PARVA: variants seen among roughly 807,000 people sequenced by gnomAD.
The protein encoded by PARVA is alpha-parvin.
Under a neutral mutation model 52.6 loss-of-function variants are expected in PARVA, and 25 were observed. That is an observed-to-expected ratio of 0.48 (90% confidence interval 0.35 to 0.66). PARVA has a LOEUF of 0.66. Among genes scored for constraint, PARVA ranks in the 30% least tolerant of loss-of-function variants. The probability of loss-of-function intolerance (pLI) is 0.01; values close to 1 mark genes in which losing one functional copy is unlikely to be tolerated. For missense variants in PARVA, 373 were observed against 450.9 expected (o/e 0.83, Z 1.56); for synonymous variants, 185 against 179.1 (o/e 1.03, Z -0.26).
intron 12 of PARVA, among the ~76,000 whole-genome samples, chr11:12,526,234 T>C (rs1007462029): frequency 2.6e-5 from 2 of 75,738 alleles, no homozygotes; most frequent in Non-Finnish European, 6.8e-5. Flanking sequence ...AATAAAATCT[T>C]TTTTTTTAAA....
intron 4 of PARVA, among the ~76,000 whole-genome samples, chr11:12,490,135 G>A (rs1324128165): frequency 6.7e-6 from 1 of 150,094 alleles, no homozygotes; most frequent in Non-Finnish European, 1.5e-5. Context: ...AGAATGGCGT[G>A]AACCAGGGAA....
intron 1 of PARVA, among the ~76,000 whole-genome samples, chr11:12,441,816 C>G (rs1940470529): frequency 6.6e-6 from 1 of 152,142 alleles, no homozygotes; most frequent in African/African-American, 2.4e-5. Flanking sequence ...CTTTCATTTG[C>G]CCAATGTAAC....
intron 12 of PARVA, among the ~76,000 whole-genome samples, chr11:12,519,312 C>G (rs977199354): frequency 6.6e-6 from 1 of 152,210 alleles, no homozygotes; most frequent in Non-Finnish European, 1.5e-5. Context: ...CCCTTCCTGC[C>G]TCTGCTCTGA....
At chr11:12,517,784 G>A in intron 11 of PARVA, 73 bp downstream of exon 11, 1 of 1,060,136 alleles carries the variant, frequency 9.4e-7, no homozygotes, top group South Asian at 1.4e-5. Flanking sequence ...CCCATGCTGG[G>A]GCTATCCAGA....
At chr11:12,377,921 G>A (rs939656324) in intron 1 of PARVA, 138 bp downstream of exon 1, 74 of 315,180 alleles carry the variant, frequency 2.3e-4, no homozygotes, top group Non-Finnish European at 3.4e-4. Context: ...GCGTGCGCGC[G>A]CTTCCCGGGT....
At chr11:12,487,446 C>T (rs1404065103) in intron 4 of PARVA, among the ~76,000 whole-genome samples, 1 of 152,126 alleles carries the variant, frequency 6.6e-6, no homozygotes, top group East Asian at 1.9e-4. Context: ...ATTCAGCAAC[C>T]AATAGCCATA....
intron 8 of PARVA, among the ~76,000 whole-genome samples, chr11:12,512,333 C>T (rs146951001): frequency 1.4e-4 from 22 of 152,326 alleles, no homozygotes; most frequent in South Asian, 4.1e-4. Context: ...CCATTTATCA[C>T]GACTGGGTTT....
At chr11:12,517,559 G>T in intron 10 of PARVA, 51 bp from the exon 11 acceptor site, 1 of 1,342,550 alleles carries the variant, frequency 7.4e-7, no homozygotes. Context: ...CCTGGATGGG[G>T]ATTGGCTGGG....
intron 1 of PARVA, among the ~76,000 whole-genome samples, chr11:12,443,344 T>C (rs993705912): frequency 6.7e-6 from 1 of 150,108 alleles, no homozygotes; most frequent in African/African-American, 2.5e-5. Context: ...GCTAATTTTT[T>C]GTATTTCAGT....
intron 4 of PARVA, among the ~76,000 whole-genome samples, chr11:12,484,233 C>T (rs966466451): frequency 2.6e-5 from 4 of 152,166 alleles, no homozygotes; most frequent in African/African-American, 9.7e-5. Context: ...GAACATGGCC[C>T]ACTGCCTGCT....
intron 9 of PARVA, 55 bp from the exon 10 acceptor site, chr11:12,513,935 AGCCACAG>A (rs1258613951): frequency 4.2e-6 from 6 of 1,436,344 alleles, no homozygotes; most frequent in East Asian, 2.4e-5. Flanking sequence ...GTCACGGAGC[AGCCACAG>A]GCTCCTGCAC....
chr11:12,470,888 C>G (rs944332185), intron 1 of PARVA, among the ~76,000 whole-genome samples: 1 of 152,128 alleles, frequency 6.6e-6, no homozygotes, highest in Admixed American at 6.5e-5. Context: ...GAAATGCAAG[C>G]AAAGCAGTAG....
At chr11:12,492,570 A>G (rs1941246639) in intron 4 of PARVA, among the ~76,000 whole-genome samples, 1 of 152,208 alleles carries the variant, frequency 6.6e-6, no homozygotes, top group East Asian at 1.9e-4. Flanking sequence ...TTAAGGGTTG[A>G]ATACCTTAAA....
intron 3 of PARVA, among the ~76,000 whole-genome samples, chr11:12,474,515 C>G (rs1291702113): frequency 3.3e-5 from 5 of 152,122 alleles, no homozygotes; most frequent in Admixed American, 6.5e-5. Context: ...ATTCCCTGTC[C>G]TATGTTCCTC....
intron 1 of PARVA, among the ~76,000 whole-genome samples, chr11:12,421,419 T>C (rs1044207769): frequency 1.3e-5 from 2 of 152,198 alleles, no homozygotes; most frequent in South Asian, 2.1e-4. Context: ...AGATTCTTCC[T>C]CTGAAAGTCT....
At chr11:12,391,552 C>T (rs1939659302) in intron 1 of PARVA, among the ~76,000 whole-genome samples, 1 of 152,164 alleles carries the variant, frequency 6.6e-6, no homozygotes, top group Non-Finnish European at 1.5e-5. Context: ...TGTGTTTGTG[C>T]AGGTTGGTAT....
intron 5 of PARVA, among the ~76,000 whole-genome samples, chr11:12,499,570 T>G (rs928221306): frequency 6.6e-6 from 1 of 152,164 alleles, no homozygotes; most frequent in East Asian, 1.9e-4. Context: ...AAACACTTTA[T>G]GTATTTTAAT....
At chr11:12,474,341 A>G (rs922753829) in intron 3 of PARVA, among the ~76,000 whole-genome samples, 12 of 152,006 alleles carry the variant, frequency 7.9e-5, no homozygotes, top group Admixed American at 2.6e-4. Context: ...AGATGACAAA[A>G]TCAAGTTTCA....
rs1455913856 is a variant in PARVA, at chr11:12,508,467, C to T, written c.658-117C>T. The T allele has an allele frequency of 3.9e-6, 3 of 774,844 alleles. No homozygotes were observed. In the Admixed American group the frequency reaches 6.0e-5, roughly 15 times the overall value. The allele number at this position is 774,844 out of a possible 1,614,324, so 48.0% of individuals were successfully genotyped here. ...TTCCAGCATTATCTTATCTTGGGTG[C>T]ATTTCTTAAACACCAGTAACTTTCT... On this transcript the variant is annotated intron_variant, in intron 6 of 12. Transcript: ENST00000334956.
Sources: gnomAD v4.1 joint callset for allele counts (sites outside exome capture counted in the v4.1 genomes callset) on GRCh38, gnomAD v4.1.1 for gene constraint, MANE v1.5 for transcripts, NCBI Gene and HGNC (gene_info 2026-07-23, HGNC 2026-07-21) for gene names.